The following FOXO1 variants were observed in gnomAD, a reference collection of about 807,000 sequenced individuals.
FOXO1 encodes forkhead box protein O1.
FOXO1 carries 6 observed loss-of-function variants against 44.1 expected under a neutral mutation model. The ratio of observed to expected loss-of-function variants is 0.14; its 90% CI spans 0.07 to 0.27. The LOEUF is 0.27. Among genes scored for constraint, FOXO1 ranks in the 10% least tolerant of loss-of-function variants. FOXO1 has a pLI of 1.00. For missense variants in FOXO1, 737 were observed against 888.8 expected (o/e 0.83, Z 2.17); for synonymous variants, 380 against 362.7 (o/e 1.05, Z -0.54).
In FOXO1 at chr13:40,556,791, AG is replaced by A. The variant is rs1873769277; in HGVS notation, c.*2257del. The stretch of plus-strand genomic sequence containing the variant: ...AGATTTTAACAGTGATTTTGGCTGT[AG>A]TTGCCTCTTTAATGAACAAATGGGG... On this transcript the variant is annotated 3_prime_UTR_variant, in exon 3 of 3. Transcript: ENST00000379561. 1 of 152,232 alleles carries A rather than the reference AG, an allele frequency of 6.6e-6. No individual in the cohort carries two copies. The highest frequency in any genetic ancestry group is 2.1e-4 in the South Asian group (1 of 4,832). The allele number at this position is 152,232 out of a possible 1,614,324, so 9.4% of individuals were successfully genotyped here. A position where few individuals can be genotyped will look rare whatever the true frequency, so the allele number is the denominator to read the frequency against.
rs548557886 is a variant in FOXO1, at chr13:40,571,945, T to C, written c.631-11085A>G. On this transcript the variant is annotated intron_variant, in intron 1 of 2. Transcript: ENST00000379561. The stretch of plus-strand genomic sequence containing the variant: ...TGAAGAATTTAAATTAGGCATAAAA[T>C]AAAGCATAGCCATACCAATACTTTG... Among the ~76,000 whole-genome samples, 749 of 152,318 alleles carry C rather than the reference T, an allele frequency of 4.9e-3. 9 individuals carry two copies. Among genetic ancestry groups the C allele is most frequent in the African/African-American group, 0.017 (702 of 41,572 alleles).
intron 1 of FOXO1, among the ~76,000 whole-genome samples, chr13:40,568,721 C>T (rs918948837): frequency 2.6e-5 from 4 of 152,114 alleles, no homozygotes; most frequent in Non-Finnish European, 5.9e-5. Flanking sequence ...CCTTCTTGCC[C>T]GAATATCCTC....
rs184331956 is a variant in FOXO1, at chr13:40,648,444, A to T, written c.630+17139T>A. ...ACTAGTCAAAAAATAAATCCAAATT[A>T]AAAAATGCAAAAACTAAATATGATT... On this transcript the variant is annotated intron_variant, in intron 1 of 2. Transcript: ENST00000379561. Among the ~76,000 whole-genome samples, 35 of 152,380 alleles carry T rather than the reference A, an allele frequency of 2.3e-4. 1 individual carries two copies. Among genetic ancestry groups the T allele is most frequent in the South Asian group, 1.7e-3 (8 of 4,830 alleles).
rs1300113724 is a variant in FOXO1 at position 40,666,615 on chromosome 13, C to T, written c.-403G>A. 2 of 187,802 alleles carry T rather than the reference C, an allele frequency of 1.1e-5. No individual in the cohort carries two copies. Among genetic ancestry groups the T allele is most frequent in the African/African-American group, 4.7e-5 (2 of 42,878 alleles). The allele number at this position is 187,802 out of a possible 1,614,324, so 11.6% of individuals were successfully genotyped here. On this transcript the variant is annotated 5_prime_UTR_variant, in exon 1 of 3. Transcript: ENST00000379561. ...GCGGCTGCGGCAGCGGCTGCTGCGA[C>T]TACCAGGCCGCCCGACTTACGGGAT... is the stretch of plus-strand genomic sequence containing the variant.
At chr13:40,578,182 C>T (rs957564187) in intron 1 of FOXO1, among the ~76,000 whole-genome samples, 3 of 152,124 alleles carry the variant, frequency 2.0e-5, no homozygotes, top group African/African-American at 7.2e-5. Context: ...AGGGAATGTG[C>T]CTTGTCAAAC....
chr13:40,561,160 G>C (rs1593378114), intron 1 of FOXO1, among the ~76,000 whole-genome samples: 1 of 152,090 alleles, frequency 6.6e-6, no homozygotes. Context: ...AGAGCATCCT[G>C]GCTAACACAG....
rs1222107865 is a variant in FOXO1, at chr13:40,557,665, C to T, written c.*1384G>A. 1 of 152,210 alleles carries T rather than the reference C, an allele frequency of 6.6e-6. No homozygotes were observed. Among genetic ancestry groups the T allele is most frequent in the East Asian group, 1.9e-4 (1 of 5,196 alleles). The allele number at this position is 152,210 out of a possible 1,614,324, so 9.4% of individuals were successfully genotyped here. A position where few individuals can be genotyped will look rare whatever the true frequency, so the allele number is the denominator to read the frequency against. ...ATGAAGTATGAGTGTTGACATAATT[C>T]CTCAAGGCAGAACTACAAAACCAAC... On this transcript the variant is annotated 3_prime_UTR_variant, in exon 3 of 3. Transcript: ENST00000379561.
At chr13:40,626,866 T>A (rs1179470678) in intron 1 of FOXO1, among the ~76,000 whole-genome samples, 1 of 152,238 alleles carries the variant, frequency 6.6e-6, no homozygotes, top group African/African-American at 2.4e-5. Flanking sequence ...TATTGGCAAC[T>A]GCCCTACATG....
intron 1 of FOXO1, among the ~76,000 whole-genome samples, chr13:40,661,281 CT>C (rs879558738): frequency 6.5e-4 from 95 of 146,066 alleles, no homozygotes; most frequent in Admixed American, 8.9e-4. Context: ...AGGCTTTCTT[CT>C]TTTTTTTTTT....
intron 1 of FOXO1, among the ~76,000 whole-genome samples, chr13:40,584,857 C>T (rs908559089): frequency 6.6e-5 from 10 of 152,156 alleles, no homozygotes; most frequent in African/African-American, 1.2e-4. Flanking sequence ...AGGTATGAAG[C>T]GCAGCTTGGC....
intron 1 of FOXO1, among the ~76,000 whole-genome samples, chr13:40,585,497 C>T (rs1875130593): frequency 1.3e-5 from 2 of 152,240 alleles, no homozygotes; most frequent in African/African-American, 4.8e-5. Context: ...ACACCAGCTT[C>T]AGCTGTTCCA....
intron 1 of FOXO1, among the ~76,000 whole-genome samples, chr13:40,562,057 A>G (rs934456760): frequency 2.6e-5 from 4 of 152,304 alleles, no homozygotes; most frequent in Middle Eastern, 3.4e-3. Flanking sequence ...AAGCAAATAC[A>G]AGTGAATGTA....
chr13:40,582,421 CTGAT>C (rs201356446), intron 1 of FOXO1, among the ~76,000 whole-genome samples: 3 of 152,204 alleles, frequency 2.0e-5, no homozygotes, highest in Non-Finnish European at 2.9e-5. Flanking sequence ...TTAAATTTGC[CTGAT>C]TGATTGACTC....
At chr13:40,564,042 C>G (rs896154430) in intron 1 of FOXO1, among the ~76,000 whole-genome samples, 1 of 152,126 alleles carries the variant, frequency 6.6e-6, no homozygotes, top group African/African-American at 2.4e-5. Context: ...CTGTCCCTGT[C>G]ACATTTAGTT....
At chr13:40,620,399 T>C (rs1479261733) in intron 1 of FOXO1, 3 of 668,120 alleles carry the variant, frequency 4.5e-6, no homozygotes, top group Non-Finnish European at 8.1e-6. Context: ...CCTATGTTAG[T>C]ACCATAATTC....
chr13:40,608,483 T>C (rs929448234), intron 1 of FOXO1, among the ~76,000 whole-genome samples: 3 of 152,202 alleles, frequency 2.0e-5, no homozygotes, highest in Non-Finnish European at 2.9e-5. Context: ...TACAGTTGCA[T>C]GCCACTGAGA....
At chr13:40,576,875 T>A (rs181303989) in intron 1 of FOXO1, among the ~76,000 whole-genome samples, 1 of 152,244 alleles carries the variant, frequency 6.6e-6, no homozygotes, top group Non-Finnish European at 1.5e-5. Flanking sequence ...GGCATAAAAA[T>A]TTGGTTCTTA....
intron 1 of FOXO1, among the ~76,000 whole-genome samples, chr13:40,569,032 C>T (rs1874379632): frequency 6.6e-6 from 1 of 152,194 alleles, no homozygotes; most frequent in African/African-American, 2.4e-5. Flanking sequence ...CCAAGCCAAT[C>T]CTTACCTATG....
chr13:40,641,066 G>A (rs2137922931), intron 1 of FOXO1, among the ~76,000 whole-genome samples: 1 of 152,294 alleles, frequency 6.6e-6, no homozygotes, highest in African/African-American at 2.4e-5. Context: ...TTACAGGCGT[G>A]AGCCATCGTG....
Sources: allele counts gnomAD v4.1 joint callset (sites outside exome capture counted in the v4.1 genomes callset), GRCh38; gene constraint gnomAD v4.1.1; transcripts MANE v1.5; gene names NCBI Gene and HGNC (gene_info 2026-07-23, HGNC 2026-07-21).